Variants in OR10J1 observed in about 807,000 individuals in gnomAD.
OR10J1 encodes olfactory receptor 10J1.
For synonymous variants in OR10J1, 202 were observed against 143.8 expected (o/e 1.40, Z -2.89); for missense variants, 474 against 376.6 (o/e 1.26, Z -2.14).
At chr1:159,415,574 A>G in the OR10J1 span, among the ~76,000 whole-genome samples, 1 of 151,978 alleles carries the variant, frequency 6.6e-6, no homozygotes, top group East Asian at 1.9e-4. Context: ...GTTCCATACA[A>G]ATTTTTGGAT....
the OR10J1 span, among the ~76,000 whole-genome samples, chr1:159,430,669 G>GTGTGTGCA: frequency 5.0e-5 from 1 of 20,158 alleles, no homozygotes; most frequent in Non-Finnish European, 2.3e-4. Context: ...GTGTGTGTGT[G>GTGTGTGCA]CGCGCGCGCA....
the OR10J1 span, among the ~76,000 whole-genome samples, chr1:159,418,001 G>T: frequency 2.6e-5 from 4 of 152,284 alleles, no homozygotes; most frequent in East Asian, 7.7e-4. Context: ...GTGGAACTTT[G>T]AACTTGAGGG....
upstream of OR10J1, among the ~76,000 whole-genome samples, chr1:159,436,208 T>C (rs1277382578): frequency 6.6e-6 from 1 of 152,044 alleles, no homozygotes; most frequent in Non-Finnish European, 1.5e-5. Context: ...CCTGTTGAGA[T>C]CTCGTAGCCA....
the OR10J1 span, among the ~76,000 whole-genome samples, chr1:159,431,007 T>C: frequency 6.6e-6 from 1 of 152,322 alleles, no homozygotes; most frequent in Admixed American, 6.5e-5. Context: ...GCTGTTGTCT[T>C]ATAGTTACTA....
At chr1:159,415,749 A>T in the OR10J1 span, among the ~76,000 whole-genome samples, 1 of 152,152 alleles carries the variant, frequency 6.6e-6, no homozygotes, top group East Asian at 1.9e-4. Flanking sequence ...AATGATATTA[A>T]TTATTTTAAG....
the OR10J1 span, among the ~76,000 whole-genome samples, chr1:159,411,353 A>G: frequency 2.0e-5 from 3 of 152,098 alleles, no homozygotes; most frequent in Non-Finnish European, 4.4e-5. Context: ...GTAGGTCTCC[A>G]AGGACTTGCT....
the OR10J1 span, among the ~76,000 whole-genome samples, chr1:159,401,931 A>T: frequency 1.3e-5 from 2 of 152,104 alleles, no homozygotes; most frequent in Non-Finnish European, 2.9e-5. Context: ...GGATGCAGGA[A>T]TGGTTCAACA....
At chr1:159,404,346 T>C in the OR10J1 span, among the ~76,000 whole-genome samples, 1 of 152,016 alleles carries the variant, frequency 6.6e-6, no homozygotes, top group African/African-American at 2.4e-5. Context: ...CAGGAATGAA[T>C]ATAGACTCCG....
the OR10J1 span, among the ~76,000 whole-genome samples, chr1:159,398,666 A>T: frequency 6.6e-6 from 1 of 150,524 alleles, no homozygotes; most frequent in Admixed American, 6.6e-5. Context: ...CAAGAAGAAG[A>T]GAGAATTAGT....
the OR10J1 span, among the ~76,000 whole-genome samples, chr1:159,427,755 T>A: frequency 6.6e-6 from 1 of 152,070 alleles, no homozygotes; most frequent in South Asian, 2.1e-4. Context: ...ATTGCAAACC[T>A]TTCATACCAA....
the OR10J1 span, among the ~76,000 whole-genome samples, chr1:159,400,730 A>G: frequency 1.3e-5 from 2 of 151,878 alleles, no homozygotes; most frequent in Non-Finnish European, 2.9e-5. Flanking sequence ...AAAATCCATA[A>G]AGAAACCTCA....
At chr1:159,429,044 A>G in the OR10J1 span, among the ~76,000 whole-genome samples, 1 of 152,198 alleles carries the variant, frequency 6.6e-6, no homozygotes, top group East Asian at 1.9e-4. Context: ...CTCACCTTCT[A>G]AAAGGAAAGC....
the OR10J1 span, among the ~76,000 whole-genome samples, chr1:159,412,876 A>G: frequency 9.9e-5 from 15 of 151,982 alleles, no homozygotes; most frequent in South Asian, 2.9e-3. Context: ...ACAGCAAAAG[A>G]AACTACCATC....
the OR10J1 span, among the ~76,000 whole-genome samples, chr1:159,414,342 G>T: frequency 6.6e-6 from 1 of 151,994 alleles, no homozygotes; most frequent in Admixed American, 6.6e-5. Context: ...GAGAGGACAT[G>T]TAAAATTTTT....
chr1:159,432,432 G>A, the OR10J1 span: 7 of 405,678 alleles, frequency 1.7e-5, no homozygotes, highest in Non-Finnish European at 2.6e-5. Flanking sequence ...TTATACCGTG[G>A]CCATCAACCC....
the OR10J1 span, among the ~76,000 whole-genome samples, chr1:159,416,594 C>T: frequency 2.6e-5 from 4 of 151,790 alleles, no homozygotes; most frequent in Non-Finnish European, 5.9e-5. Flanking sequence ...AATGCTGCCT[C>T]ATACAATGAG....
the OR10J1 span, among the ~76,000 whole-genome samples, chr1:159,419,669 T>C: frequency 8.5e-4 from 130 of 152,332 alleles, no homozygotes; most frequent in African/African-American, 3.1e-3. Flanking sequence ...TCTAGTTTTA[T>C]TCCACTGTAG....
the OR10J1 span, among the ~76,000 whole-genome samples, chr1:159,398,334 A>G: frequency 9.8e-5 from 15 of 152,350 alleles, no homozygotes; most frequent in African/African-American, 3.6e-4. Context: ...TTTGATTCCC[A>G]GACACTGAAG....
the OR10J1 span, among the ~76,000 whole-genome samples, chr1:159,408,640 G>A: frequency 6.6e-6 from 1 of 151,896 alleles, no homozygotes; most frequent in African/African-American, 2.4e-5. Context: ...AAGGCCTGGT[G>A]ATAAATTCTC....
Sources: gnomAD v4.1 joint callset for allele counts (sites outside exome capture counted in the v4.1 genomes callset) on GRCh38, gnomAD v4.1.1 for gene constraint, MANE v1.5 for transcripts, NCBI Gene and HGNC (gene_info 2026-07-23, HGNC 2026-07-21) for gene names.